The following DOCK7 variants were observed in gnomAD, a reference collection of about 807,000 sequenced individuals.
DOCK7 encodes the protein dedicator of cytokinesis protein 7.
Under a neutral mutation model 271.0 loss-of-function variants are expected in DOCK7, and 138 were observed. That is an observed-to-expected ratio of 0.51 (90% CI 0.44 to 0.59). The LOEUF (loss-of-function observed/expected upper bound fraction) is 0.59. Ranked by LOEUF, DOCK7 falls within the 20% of genes least tolerant of loss-of-function variation. The pLI is 0.00. For synonymous variants in DOCK7, 823 were observed against 876.1 expected (o/e 0.94, Z 1.07); for missense variants, 2,066 against 2,592.4 (o/e 0.80, Z 4.41).
chr1:62,552,956 C>G (rs1267213238), intron 21 of DOCK7, 55 bp from the exon 22 acceptor site: 1 of 1,326,222 alleles, frequency 7.5e-7, no homozygotes, highest in Non-Finnish European at 9.8e-7. Flanking sequence ...AGGAAAGGAT[C>G]TGAAAAAAAA....
At position 62,681,675 on chromosome 1, in the gene DOCK7, G is replaced by T. The variant is rs1046721396; in HGVS notation, c.38+6552C>A. ...TTTGTATAGGAGTGTTCATGGAAAC[G>T]TTTGTAATAGTAAAAAACTGGAAAC... On this transcript the variant is annotated intron_variant, in intron 1 of 49. Transcript: ENST00000635253. 3.3e-5 allele frequency among the ~76,000 whole-genome samples: 5 copies of T among 151,966 alleles called. No homozygotes were observed. The East Asian group carries it at 9.7e-4, about 29-fold the overall frequency.
chr1:62,620,225 A>G (rs748451814), intron 12 of DOCK7, among the ~76,000 whole-genome samples: 1 of 152,068 alleles, frequency 6.6e-6, no homozygotes, highest in Non-Finnish European at 1.5e-5. Context: ...TGGGAGGCTG[A>G]GGCAGGAGAA....
At chr1:62,573,714 T>G (rs1418835119) in intron 18 of DOCK7, among the ~76,000 whole-genome samples, 1 of 152,168 alleles carries the variant, frequency 6.6e-6, no homozygotes, top group East Asian at 1.9e-4. Flanking sequence ...GCTACAGAAA[T>G]GTACACTTAA....
intron 43 of DOCK7, chr1:62,485,261 C>A (rs890152499): frequency 1.0e-6 from 1 of 985,304 alleles, no homozygotes; most frequent in Non-Finnish European, 1.2e-6. Context: ...AGATAACAGC[C>A]ACATGACTCC....
chr1:62,526,234 T>C (rs12062275), intron 31 of DOCK7, among the ~76,000 whole-genome samples: 88,727 of 152,098 alleles, frequency 0.58, 27,542 homozygotes, highest in East Asian at 0.76. Context: ...TGCCACTGTG[T>C]CTGACCAATG....
Position 62,578,938 on chromosome 1 carries a change from C to T in DOCK7, c.1900G>A (p.Val634Ile), listed in dbSNP as rs774732062. 1.9e-6 allele frequency: 3 copies of T among 1,587,774 alleles called. No individual in the cohort carries two copies. The African/African-American group carries it at 4.1e-5, about 22-fold the overall frequency. ...RSPDFHEEIKVKLPATLTDHH... is the reference protein window; with the variant it reads ...RSPDFHEEIKIKLPATLTDHH... ...TCAGTTAAAGTAGCAGGAAGCTTAACCTTGATTTCTTCATGAAAATCAGGA... is the reference window on the plus strand; with the variant it reads ...TCAGTTAAAGTAGCAGGAAGCTTAATCTTGATTTCTTCATGAAAATCAGGA... Residue 634 changes from valine (V) to isoleucine (I), a missense_variant, in exon 17 of 50, where the codon GTT becomes ATT. Physicochemically the swap from Val to Ile is conservative, Grantham distance 29. Coordinates refer to ENST00000635253, the MANE Select transcript of DOCK7 (RefSeq NM_001367561.1).
intron 17 of DOCK7, 93 bp from the exon 18 acceptor site, chr1:62,577,456 T>C (rs1156300559): frequency 2.3e-5 from 17 of 740,726 alleles, no homozygotes; most frequent in Non-Finnish European, 3.3e-5. Context: ...CAAGCCAAAT[T>C]TGTCCCATAT....
At chr1:62,504,025 C>T (rs529639132) in intron 37 of DOCK7, among the ~76,000 whole-genome samples, 21 of 144,938 alleles carry the variant, frequency 1.4e-4, no homozygotes, top group Non-Finnish European at 2.5e-4. Flanking sequence ...CCAGCCTGGG[C>T]GACTGAGTGA....
chr1:62,610,395 T>C (rs1365878212), intron 14 of DOCK7, among the ~76,000 whole-genome samples: 2 of 152,118 alleles, frequency 1.3e-5, no homozygotes, highest in Admixed American at 1.3e-4. Context: ...AAATTATGAA[T>C]GTAGTAAACC....
At position 62,648,037 on chromosome 1, in the gene DOCK7, T is replaced by G. The variant is rs917087629; in HGVS notation, c.732+69A>C. The G allele has an allele frequency of 3.0e-5, 42 of 1,421,474 alleles. No homozygotes were observed. In the African/African-American group the frequency reaches 5.7e-4, roughly 19 times the overall value. The allele number at this position is 1,421,474 out of a possible 1,614,324, so 88.1% of individuals were successfully genotyped here. A position where few individuals can be genotyped will look rare whatever the true frequency, so the allele number is the denominator to read the frequency against. On this transcript the variant is annotated intron_variant, in intron 6 of 49. Transcript: ENST00000635253. ...TTATCCTCTACATTTTGTAATACTA[T>G]ATATCAATCATAATCCCAAAAGATC...
intron 37 of DOCK7, among the ~76,000 whole-genome samples, chr1:62,498,527 T>C (rs1279432337): frequency 6.6e-6 from 1 of 152,156 alleles, no homozygotes; most frequent in Non-Finnish European, 1.5e-5. Context: ...CTGCTATGTT[T>C]TACTTAATAT....
chr1:62,472,265 C>G (rs533788707), intron 48 of DOCK7, among the ~76,000 whole-genome samples: 1 of 151,974 alleles, frequency 6.6e-6, no homozygotes, highest in Non-Finnish European at 1.5e-5. Context: ...CCACCATGCT[C>G]GGCTAATTTT....
At chr1:62,475,997 T>C in intron 45 of DOCK7, 54 bp from the exon 46 acceptor site, 4 of 1,602,718 alleles carry the variant, frequency 2.5e-6, no homozygotes, top group Non-Finnish European at 3.4e-6. Context: ...CATTTAGTCT[T>C]TCTCAAACAA....
At chr1:62,493,177 A>G (rs1306262962) in intron 40 of DOCK7, among the ~76,000 whole-genome samples, 1 of 152,178 alleles carries the variant, frequency 6.6e-6, no homozygotes, top group East Asian at 1.9e-4. Flanking sequence ...TGATCTTTTC[A>G]AAACTCTCTG....
chr1:62,620,322 A>AAAAT lies in DOCK7; in HGVS notation c.1426-333_1426-330dup, dbSNP rs534928121. Among the ~76,000 whole-genome samples the AAAAT allele has an allele frequency of 3.5e-4, 49 of 141,896 alleles. No individual in the cohort carries two copies. The East Asian group carries it at 6.2e-3, about 18-fold the overall frequency. The allele number at this position is 141,896 out of a possible 152,430, so 93.1% of individuals were successfully genotyped here. ...GGAGCAAGACTCTGTCTCAAAAATA[A>AAAAT]AAATAAATAAATAAATAAATAAAGA... On this transcript the variant is annotated intron_variant, in intron 12 of 49. Coordinates refer to ENST00000635253, the MANE Select transcript of DOCK7 (RefSeq NM_001367561.1).
At chr1:62,667,334 T>C (rs946412558) in intron 1 of DOCK7, among the ~76,000 whole-genome samples, 2 of 152,150 alleles carry the variant, frequency 1.3e-5, no homozygotes, top group Non-Finnish European at 2.9e-5. Flanking sequence ...TATTTGTATC[T>C]GAGATAGAAG....
In DOCK7 at chr1:62,513,855, C is replaced by G; in HGVS notation, c.3980G>C (p.Ser1327Thr). Residue 1327 changes from serine (S) to threonine (T), a missense_variant, in exon 32 of 50, where the codon AGC becomes ACC. By Grantham distance (58) the Ser-to-Thr change is moderately conservative (BLOSUM62 1). This residue lies in a region of DOCK7 where 1,414 missense variants were observed against 1,670.4 expected (regional missense o/e 0.85). Coordinates refer to ENST00000635253, the MANE Select transcript of DOCK7 (RefSeq NM_001367561.1). ...AACCCAAAGTAGACAGATCAAAAGG[C>G]TTCGACTTGATTCTGCTGAAAAGGT... ...HTTFSAESSR[S>T]LLICLLWVLK... The G allele has an allele frequency of 1.9e-6, 3 of 1,613,932 alleles. No individual in the cohort carries two copies. Among genetic ancestry groups the G allele is most frequent in the Non-Finnish European group, 2.5e-6 (3 of 1,179,942 alleles).
intron 14 of DOCK7, among the ~76,000 whole-genome samples, chr1:62,603,394 A>G (rs1650448244): frequency 6.6e-6 from 1 of 151,824 alleles, no homozygotes; most frequent in Admixed American, 6.6e-5. Context: ...TTTAATTCCA[A>G]TAAAAATAAT....
At chr1:62,599,865 C>G (rs1649851956) in intron 14 of DOCK7, among the ~76,000 whole-genome samples, 1 of 150,928 alleles carries the variant, frequency 6.6e-6, no homozygotes, top group Admixed American at 6.6e-5. Context: ...ATGTCAGAAT[C>G]CATGTATTCT....
Sources: gnomAD v4.1 joint callset for allele counts (sites outside exome capture counted in the v4.1 genomes callset) on GRCh38, gnomAD v4.1.1 for gene constraint, gnomAD v4.1.1 regional missense constraint, MANE v1.5 for transcripts, NCBI Gene and HGNC (gene_info 2026-07-23, HGNC 2026-07-21) for gene names.